Variants in SAXO5 observed in about 807,000 individuals in gnomAD.
SAXO5 encodes the protein stabilizer of axonemal microtubules 5.
the SAXO5 span, among the ~76,000 whole-genome samples, chr19:7,507,798 G>A: frequency 3.3e-5 from 5 of 152,042 alleles, no homozygotes; most frequent in Non-Finnish European, 5.9e-5. Context: ...CCAGCCTGGG[G>A]CCCTTTTTGC....
chr19:7,507,202 T>C, the SAXO5 span: 1 of 1,417,158 alleles, frequency 7.1e-7, no homozygotes, highest in Non-Finnish European at 9.9e-7. Flanking sequence ...TGTAGAGTTA[T>C]CTCAGGACGA....
the SAXO5 span, chr19:7,508,243 T>G: frequency 3.7e-6 from 6 of 1,613,896 alleles, no homozygotes; most frequent in Non-Finnish European, 5.1e-6. Context: ...CTGGGTGGAC[T>G]GCGCTTCTTC....
the SAXO5 span, chr19:7,507,181 C>A: frequency 2.6e-6 from 4 of 1,531,292 alleles, no homozygotes. Context: ...ATTAGGCAAC[C>A]CCCACATTGG....
chr19:7,503,995 C>A, the SAXO5 span: 2 of 660,140 alleles, frequency 3.0e-6, no homozygotes, highest in South Asian at 1.8e-5. Flanking sequence ...AGCTCTCAGT[C>A]TACACTGTTC....
At chr19:7,506,935 C>T in the SAXO5 span, 1 of 742,166 alleles carries the variant, frequency 1.3e-6, no homozygotes, top group Admixed American at 2.2e-5. Flanking sequence ...ATTTTTCTCC[C>T]CTGGTCAACT....
At chr19:7,502,186 G>A in the SAXO5 span, among the ~76,000 whole-genome samples, 2 of 152,230 alleles carry the variant, frequency 1.3e-5, no homozygotes, top group East Asian at 3.9e-4. Flanking sequence ...GGCTCACACA[G>A]ACTAAATCTG....
the SAXO5 span, chr19:7,505,966 G>T: frequency 3.8e-6 from 6 of 1,576,902 alleles, no homozygotes; most frequent in Non-Finnish European, 5.2e-6. Context: ...TCCTACAGCC[G>T]CCACCCCCGA....
the SAXO5 span, among the ~76,000 whole-genome samples, chr19:7,500,132 GTC>G: frequency 6.6e-6 from 1 of 151,874 alleles, no homozygotes; most frequent in Non-Finnish European, 1.5e-5. Flanking sequence ...TTTTATTATT[GTC>G]TGTCATCTCC....
At chr19:7,506,275 G>T in the SAXO5 span, 2 of 942,768 alleles carry the variant, frequency 2.1e-6, no homozygotes, top group Non-Finnish European at 3.2e-6. Flanking sequence ...CCCCCACGGA[G>T]CCCCGTCCCG....
the SAXO5 span, chr19:7,500,894 G>A: frequency 1.9e-6 from 3 of 1,576,980 alleles, no homozygotes; most frequent in Non-Finnish European, 2.6e-6. Context: ...TCAAGGCCTC[G>A]CACTTCTCGC....
chr19:7,504,719 A>C, the SAXO5 span, among the ~76,000 whole-genome samples: 1 of 150,932 alleles, frequency 6.6e-6, no homozygotes, highest in Non-Finnish European at 1.5e-5. Context: ...AAAAAAAAAA[A>C]AGTGGGGGAC....
the SAXO5 span, chr19:7,505,262 G>A: frequency 2.7e-6 from 4 of 1,494,816 alleles, no homozygotes; most frequent in Non-Finnish European, 3.7e-6. Flanking sequence ...AGATTACAGG[G>A]GTGGGCCACC....
the SAXO5 span, among the ~76,000 whole-genome samples, chr19:7,504,742 C>T: frequency 6.3e-4 from 95 of 152,000 alleles, 2 homozygotes; most frequent in Non-Finnish European, 7.4e-5. Flanking sequence ...GGGGGCACTG[C>T]CTTCCCACCC....
chr19:7,504,425 A>T, the SAXO5 span: 4 of 1,604,568 alleles, frequency 2.5e-6, no homozygotes, highest in South Asian at 4.4e-5. Flanking sequence ...TAAAGGGGCC[A>T]CTGCGGGCAC....
chr19:7,508,187 G>A, the SAXO5 span: 9 of 1,608,310 alleles, frequency 5.6e-6, no homozygotes, highest in Admixed American at 6.7e-5. Flanking sequence ...CTGCCAGGCT[G>A]TCCACCCTGT....
At chr19:7,504,305 C>T in the SAXO5 span, 1 of 1,614,048 alleles carries the variant, frequency 6.2e-7, no homozygotes, top group Non-Finnish European at 8.5e-7. Context: ...CCCTGTCTGC[C>T]CACAGGCCTC....
At chr19:7,508,411 T>C in the SAXO5 span, 558,678 of 1,606,736 alleles carry the variant, frequency 0.35, 98,983 homozygotes, top group Non-Finnish European at 0.36. Flanking sequence ...CCTATGTACC[T>C]GTGCCCCAGC....
At chr19:7,508,362 G>T in the SAXO5 span, 1 of 1,613,810 alleles carries the variant, frequency 6.2e-7, no homozygotes, top group East Asian at 2.2e-5. Flanking sequence ...TCACCAGCGC[G>T]GCTGCAGGGA....
chr19:7,508,359 C>T, the SAXO5 span: 4 of 1,613,860 alleles, frequency 2.5e-6, no homozygotes, highest in South Asian at 2.2e-5. Flanking sequence ...GCCTCACCAG[C>T]GCGGCTGCAG....
Sources: allele counts gnomAD v4.1 joint callset (sites outside exome capture counted in the v4.1 genomes callset), GRCh38; gene constraint gnomAD v4.1.1; transcripts MANE v1.5; gene names NCBI Gene and HGNC (gene_info 2026-07-23, HGNC 2026-07-21).